The following NCK1 variants were observed in gnomAD, a reference collection of about 807,000 sequenced individuals.
The protein encoded by NCK1 is SH2/SH3 adapter protein NCK1.
A neutral mutation model predicts 36.6 loss-of-function variants in NCK1; 19 were observed. That is an observed-to-expected ratio of 0.52 (90% confidence interval 0.36 to 0.76). The LOEUF (loss-of-function observed/expected upper bound fraction) is 0.76, where lower values mean the gene tolerates loss of function less well. Ranked by LOEUF, NCK1 falls within the 30% of genes least tolerant of loss-of-function variation. NCK1 has a pLI of 0.00. For missense variants in NCK1, 358 were observed against 445.6 expected (o/e 0.80, Z 1.77); for synonymous variants, 165 against 156.0 (o/e 1.06, Z -0.43).
chr3:136,941,123 T>C (rs1249714175), intron 2 of NCK1, among the ~76,000 whole-genome samples: 1 of 147,184 alleles, frequency 6.8e-6, no homozygotes, highest in Non-Finnish European at 1.5e-5. Context: ...TTTCTTTTTT[T>C]TTTTTTTTTT....
chr3:136,874,686 T>A (rs1221232534), intron 1 of NCK1, among the ~76,000 whole-genome samples: 3 of 152,214 alleles, frequency 2.0e-5, no homozygotes, highest in Non-Finnish European at 2.9e-5. Context: ...AAATCTTTTT[T>A]TTCCCTTTCC....
intron 1 of NCK1, among the ~76,000 whole-genome samples, chr3:136,918,495 A>G (rs1358098137): frequency 6.6e-6 from 1 of 152,176 alleles, no homozygotes; most frequent in East Asian, 1.9e-4. Flanking sequence ...GTACTAGGCC[A>G]TTTTCATATA....
chr3:136,934,160 A>C (rs1406808440), intron 2 of NCK1, among the ~76,000 whole-genome samples: 2 of 151,984 alleles, frequency 1.3e-5, no homozygotes, highest in Non-Finnish European at 2.9e-5. Context: ...TTATTTTTTT[A>C]CACACCACCA....
chr3:136,945,638 T>C lies in NCK1; in HGVS notation c.282T>C (p.Asp94=), dbSNP rs1309838532. ...PSVPDSASPA[D]DSFVDPGERL... is the part of the protein sequence containing the mutation. ...TGCCAGATTCTGCATCTCCTGCTGA[T>C]GATAGTTTTGTTGACCCAGGGGAAC... The change falls in exon 3 of 4, where the codon GAT becomes GAC. Residue 94 remains aspartate, a synonymous_variant. Coordinates refer to ENST00000481752, the MANE Select transcript of NCK1 (RefSeq NM_001291999.2). 6.2e-7 allele frequency: 1 copy of C among 1,614,042 alleles called. No homozygotes were observed. The highest frequency in any genetic ancestry group is 1.1e-5 in the South Asian group (1 of 91,076).
intron 1 of NCK1, among the ~76,000 whole-genome samples, chr3:136,876,596 C>G (rs1174109062): frequency 6.6e-6 from 1 of 151,516 alleles, no homozygotes; most frequent in Non-Finnish European, 1.5e-5. Flanking sequence ...AACCAAAAAA[C>G]TTTGCCTATT....
chr3:136,871,431 G>A (rs1182126756), intron 1 of NCK1, among the ~76,000 whole-genome samples: 1 of 152,046 alleles, frequency 6.6e-6, no homozygotes, highest in Admixed American at 6.6e-5. Context: ...TTTAGAGAAA[G>A]TATCTTTAAA....
chr3:136,943,437 T>C (rs143615866), intron 2 of NCK1, among the ~76,000 whole-genome samples: 103 of 152,330 alleles, frequency 6.8e-4, no homozygotes, highest in African/African-American at 2.0e-3. Context: ...CTAGTGACAG[T>C]TGGAATTGTA....
chr3:136,946,505 A>G (rs1940831123), intron 3 of NCK1, among the ~76,000 whole-genome samples: 1 of 152,182 alleles, frequency 6.6e-6, no homozygotes, highest in African/African-American at 2.4e-5. Context: ...GTTGCTACAC[A>G]CTGAATTATT....
chr3:136,908,145 A>T (rs1321033950), intron 1 of NCK1, among the ~76,000 whole-genome samples: 2 of 152,212 alleles, frequency 1.3e-5, no homozygotes, highest in Admixed American at 1.3e-4. Context: ...TATGATTTTC[A>T]GGGAGGAAAA....
chr3:136,925,371 G>A (rs1206964272), intron 1 of NCK1, among the ~76,000 whole-genome samples: 2 of 152,002 alleles, frequency 1.3e-5, no homozygotes, highest in Non-Finnish European at 2.9e-5. Context: ...AGATCCACAT[G>A]CAATTCTGAG....
Position 136,920,247 on chromosome 3 carries a change from C to CT in NCK1, c.-18-7728dup, listed in dbSNP as rs1221623862. ...GCTACTTAAAAATTAAGTTTTTCTT[C>CT]TTTTTTTTTAAAAAATAGTGTAGGT... On this transcript the variant is annotated intron_variant, in intron 1 of 3. Coordinates refer to ENST00000481752, the MANE Select transcript of NCK1 (RefSeq NM_001291999.2). Among the ~76,000 whole-genome samples, 212 of 151,436 alleles carry CT rather than the reference C, an allele frequency of 1.4e-3. 3 individuals carry two copies. The highest frequency in any genetic ancestry group is 3.3e-3 in the African/African-American group (135 of 41,406).
rs568907063 is a variant in NCK1, at chr3:136,946,711, T to C, written c.939+416T>C. Among the ~76,000 whole-genome samples, 374 of 152,314 alleles carry C rather than the reference T, an allele frequency of 2.5e-3. 1 individual carries two copies. The highest frequency in any genetic ancestry group is 7.7e-3 in the African/African-American group (320 of 41,566). On this transcript the variant is annotated intron_variant, in intron 3 of 3. Transcript: ENST00000481752. Reference sequence around the variant, plus strand: ...GGTAGTCACTGTAGTCCTTATGACATAGGAAATCCCTGAATTTAAAAAATT... The same window carrying C: ...GGTAGTCACTGTAGTCCTTATGACACAGGAAATCCCTGAATTTAAAAAATT...
chr3:136,879,998 A>G (rs1938883486), intron 1 of NCK1, among the ~76,000 whole-genome samples: 2 of 149,266 alleles, frequency 1.3e-5, no homozygotes, highest in South Asian at 4.2e-4. Flanking sequence ...TTAAAAAAAA[A>G]AAAAGGCTGG....
At chr3:136,890,731 A>G (rs1939220398) in intron 1 of NCK1, among the ~76,000 whole-genome samples, 1 of 152,200 alleles carries the variant, frequency 6.6e-6, no homozygotes, top group African/African-American at 2.4e-5. Flanking sequence ...TATTGTGGTA[A>G]GATATGTGTA....
chr3:136,892,461 A>G (rs531328138), intron 1 of NCK1, among the ~76,000 whole-genome samples: 1 of 152,346 alleles, frequency 6.6e-6, no homozygotes, highest in Admixed American at 6.5e-5. Flanking sequence ...ATCAGAGGGA[A>G]TCAATTAGTC....
At chr3:136,929,952 A>AT (rs1940350653) in intron 2 of NCK1, among the ~76,000 whole-genome samples, 1 of 152,180 alleles carries the variant, frequency 6.6e-6, no homozygotes, top group Non-Finnish European at 1.5e-5. Flanking sequence ...TTTTATCAAG[A>AT]TTTTATCTCT....
At chr3:136,934,161 C>A (rs879290350) in intron 2 of NCK1, among the ~76,000 whole-genome samples, 3 of 151,242 alleles carry the variant, frequency 2.0e-5, no homozygotes, top group Admixed American at 1.3e-4. Flanking sequence ...TATTTTTTTA[C>A]ACACCACCAT....
intron 3 of NCK1, among the ~76,000 whole-genome samples, chr3:136,947,843 T>G (rs1485076585): frequency 2.6e-5 from 4 of 152,306 alleles, no homozygotes; most frequent in African/African-American, 9.6e-5. Context: ...ACAGCTACTG[T>G]TAGCTACACA....
chr3:136,882,186 G>T (rs1410897501), intron 1 of NCK1, among the ~76,000 whole-genome samples: 3 of 151,598 alleles, frequency 2.0e-5, no homozygotes, highest in Admixed American at 2.0e-4. Context: ...ACTAACACTT[G>T]TTTCCTGCAT....
Sources: allele counts gnomAD v4.1 joint callset (sites outside exome capture counted in the v4.1 genomes callset), GRCh38; gene constraint gnomAD v4.1.1; transcripts MANE v1.5; gene names NCBI Gene and HGNC (gene_info 2026-07-23, HGNC 2026-07-21).